Variants in MYO15B observed in about 807,000 individuals in gnomAD.
The protein encoded by MYO15B is myosin XVB.
A neutral mutation model predicts 119.3 loss-of-function variants in MYO15B; 207 were observed. That is an observed-to-expected ratio of 1.73 (90% CI 1.55 to 1.95). MYO15B has a LOEUF of 1.95. Among genes scored for constraint, MYO15B ranks in the 30% most tolerant of loss-of-function variants. The probability of loss-of-function intolerance (pLI) is 0.00; values close to 1 mark genes in which losing one functional copy is unlikely to be tolerated. For missense variants in MYO15B, 2,264 were observed against 1,203.1 expected (o/e 1.88, Z -13.04); for synonymous variants, 966 against 498.9 (o/e 1.94, Z -12.48).
intron 21 of MYO15B, among the ~76,000 whole-genome samples, chr17:75,607,320 A>G (rs560272664): frequency 7.4e-4 from 112 of 152,134 alleles, no homozygotes; most frequent in African/African-American, 2.5e-3. Flanking sequence ...GACTCATACA[A>G]TATTTCCTTT....
rs867992626 is a variant in MYO15B at position 75,615,738 on chromosome 17, C to T, written c.5884C>T (p.Gln1962Ter). Residue 1962 changes from glutamine to a stop codon, truncating the protein, a stop_gained, in exon 36 of 64, where the codon CAG becomes TAG. Transcript: ENST00000645453. LOFTEE classifies it high-confidence loss of function. ...GGCCATGTCCCTGTCCCTGGAGCAG[C>T]AGATGCAGCAGCGGCAGCAGCAGGC... 5.7e-6 allele frequency: 4 copies of T among 699,672 alleles called. No homozygotes were observed. The highest frequency in any genetic ancestry group is 4.0e-5 in the Admixed American group (2 of 49,624). The allele number at this position is 699,672 out of a possible 1,614,324, so 43.3% of individuals were successfully genotyped here.
chr17:75,621,654 G>T, intron 52 of MYO15B, 84 bp downstream of exon 52: 13 of 662,944 alleles, frequency 2.0e-5, no homozygotes, highest in South Asian at 1.4e-4. Context: ...CTTGAGCTCT[G>T]CCTGGCTCTG....
intron 58 of MYO15B, 29 bp downstream of exon 58, chr17:75,624,668 G>C (rs2058918424): frequency 2.8e-6 from 2 of 702,864 alleles, no homozygotes; most frequent in African/African-American, 3.5e-5. Context: ...CCTCACGGTG[G>C]GGCCACTCCC....
At chr17:75,617,025 T>G in intron 40 of MYO15B, 60 bp from the exon 41 acceptor site, 1 of 696,172 alleles carries the variant, frequency 1.4e-6, no homozygotes, top group Non-Finnish European at 2.6e-6. Context: ...CAAGGCTCTC[T>G]GGGGCGAACT....
chr17:75,626,799 C>A, exon 64 of MYO15B: 1 of 500,978 alleles, frequency 2.0e-6, no homozygotes, highest in Non-Finnish European at 3.6e-6. Context: ...TTAGCACAAG[C>A]CCAGGCATGG....
At chr17:75,602,290 C>G in intron 15 of MYO15B, 1 of 665,320 alleles carries the variant, frequency 1.5e-6, no homozygotes, top group Non-Finnish European at 2.7e-6. Context: ...GGTTAAAGCC[C>G]CAGTGGGGAG....
intron 14 of MYO15B, among the ~76,000 whole-genome samples, chr17:75,600,028 T>A (rs1249589704): frequency 6.6e-6 from 1 of 150,442 alleles, no homozygotes; most frequent in Admixed American, 6.6e-5. Context: ...TTTTCTTTTT[T>A]CTTTTTTTTT....
At chr17:75,602,890 A>C in exon 17 of MYO15B, 1 of 686,316 alleles carries the variant, frequency 1.5e-6, no homozygotes, top group Non-Finnish European at 2.7e-6. Context: ...AGGCAGACCC[A>C]CGCTGGCCTC....
At chr17:75,624,553 A>C in exon 58 of MYO15B, 1 of 703,044 alleles carries the variant, frequency 1.4e-6, no homozygotes, top group East Asian at 2.7e-5. Flanking sequence ...GTAGCAGCAG[A>C]AGTGCAGGAG....
chr17:75,624,996 C>A (rs1223113035), intron 59 of MYO15B, 80 bp downstream of exon 59: 2 of 679,412 alleles, frequency 2.9e-6, no homozygotes, highest in African/African-American at 1.8e-5. Flanking sequence ...GCCCCTCTCC[C>A]CACAAGGGTG....
chr17:75,602,822 C>T lies in MYO15B; in HGVS notation c.3730-8C>T, dbSNP rs1211022038. 4.9e-6 allele frequency: 3 copies of T among 618,348 alleles called. No homozygotes were observed. The highest frequency in any genetic ancestry group is 5.8e-6 in the Non-Finnish European group (2 of 346,128). The allele number at this position is 618,348 out of a possible 1,614,324, so 38.3% of individuals were successfully genotyped here. ...GCGGCCAGCTGACTCAGCCCTTCAC[C>T]CCCACAGCTGGTGGGCAGCCTGTTC... On this transcript the variant is annotated splice_region_variant and splice_polypyrimidine_tract_variant and intron_variant, in intron 16 of 63. Transcript: ENST00000645453.
intron 19 of MYO15B, among the ~76,000 whole-genome samples, chr17:75,605,175 C>T (rs1198529234): frequency 1.3e-5 from 2 of 151,640 alleles, no homozygotes; most frequent in Admixed American, 6.6e-5. Context: ...CAGTGGCTCA[C>T]GCCTGTAATC....
chr17:75,612,996 G>GA lies in MYO15B; in HGVS notation c.4755dup (p.Ser1586IlefsTer27), dbSNP rs1960485874. ...CAGATGCTGCGGCTCCTGGGGGACG[G>GA]ATCCCTGGAGTCCTGGCAGAGGCAG... is the stretch of plus-strand genomic sequence containing the variant. On this transcript the variant is annotated frameshift_variant, in exon 27 of 64. Transcript: ENST00000645453. LOFTEE classifies it high-confidence loss of function. The GA allele has an allele frequency of 2.9e-6, 2 of 693,190 alleles. No homozygotes were observed. Among genetic ancestry groups the GA allele is most frequent in the African/African-American group, 3.5e-5 (2 of 57,194 alleles). The allele number at this position is 693,190 out of a possible 1,614,324, so 42.9% of individuals were successfully genotyped here.
At chr17:75,620,715 A>G (rs1221222693) in intron 49 of MYO15B, 79 bp downstream of exon 49, 1 of 691,778 alleles carries the variant, frequency 1.4e-6, no homozygotes, top group Non-Finnish European at 2.6e-6. Context: ...ACCACTCCCG[A>G]GGCTGCCATG....
At chr17:75,607,070 A>G (rs1246613082) in intron 21 of MYO15B, 2 of 397,692 alleles carry the variant, frequency 5.0e-6, no homozygotes, top group African/African-American at 2.1e-5. Context: ...TTCAGATGGT[A>G]GAGCAGCCAG....
intron 43 of MYO15B, 161 bp from the exon 44 acceptor site, chr17:75,618,982 C>T: frequency 1.6e-6 from 1 of 610,748 alleles, no homozygotes; most frequent in South Asian, 1.9e-5. Flanking sequence ...AGCCCTCCAT[C>T]CCTCCCTGCC....
At chr17:75,617,043 G>C (rs1036410112) in intron 40 of MYO15B, 42 bp from the exon 41 acceptor site, 1 of 693,486 alleles carries the variant, frequency 1.4e-6, no homozygotes, top group East Asian at 2.7e-5. Flanking sequence ...ACTTGGCCTT[G>C]TGCTGTGACT....
At chr17:75,608,198 A>C (rs1293109000) in intron 21 of MYO15B, among the ~76,000 whole-genome samples, 1 of 152,038 alleles carries the variant, frequency 6.6e-6, no homozygotes, top group African/African-American at 2.4e-5. Flanking sequence ...AGCTCACTGC[A>C]ACCTCTGCCC....
rs149574051 is a variant in MYO15B at position 75,612,945 on chromosome 17, G to A, written c.4732-29G>A. 291 of 690,340 alleles carry A rather than the reference G, an allele frequency of 4.2e-4. 2 individuals carry two copies. In the African/African-American group the frequency reaches 4.4e-3, roughly 11 times the overall value. The allele number at this position is 690,340 out of a possible 1,614,324, so 42.8% of individuals were successfully genotyped here. The stretch of plus-strand genomic sequence containing the variant: ...GGATAGGCGCCTGGGAGCCCCGCAC[G>A]TCCTGTCCTTACCCGGCTGTGTCGG... On this transcript the variant is annotated intron_variant, in intron 26 of 63. Transcript: ENST00000645453.
Sources: gnomAD v4.1 joint callset for allele counts (sites outside exome capture counted in the v4.1 genomes callset) on GRCh38, gnomAD v4.1.1 for gene constraint, MANE v1.5 for transcripts, NCBI Gene and HGNC (gene_info 2026-07-23, HGNC 2026-07-21) for gene names.